Variants in SLN observed in about 807,000 individuals in gnomAD.
The protein encoded by SLN is sarcolipin.
For synonymous variants in SLN, 19 were observed against 14.4 expected (o/e 1.32, Z -0.72); for missense variants, 34 against 37.4 (o/e 0.91, Z 0.24).
chr11:107,709,765 T>C (rs529258754), intron 1 of SLN, among the ~76,000 whole-genome samples: 9 of 152,288 alleles, frequency 5.9e-5, no homozygotes, highest in African/African-American at 2.2e-4. Flanking sequence ...CATCTCCCTT[T>C]TAATTATTAT....
chr11:107,707,781 A>T lies in SLN; in HGVS notation c.*54T>A. On this transcript the variant is annotated 3_prime_UTR_variant, in exon 2 of 2. Transcript: ENST00000305991. The stretch of plus-strand genomic sequence containing the variant: ...TGACAGCAGTGGGGTCTCAGGGCAT[A>T]GAGCAGGCAGCTCCGGAGCATCTCA... The T allele has an allele frequency of 1.5e-6, 2 of 1,349,114 alleles. No homozygotes were observed. Among genetic ancestry groups the T allele is most frequent in the Non-Finnish European group, 2.1e-6 (2 of 940,542 alleles). 83.6% of individuals were successfully genotyped at this position (1,349,114 alleles called of 1,614,324 possible).
chr11:107,710,593 T>C (rs1425038143), intron 1 of SLN, among the ~76,000 whole-genome samples: 4 of 152,266 alleles, frequency 2.6e-5, no homozygotes, highest in East Asian at 1.9e-4. Context: ...CTAGGAGTTA[T>C]GACACAAGTG....
At chr11:107,708,366 AG>A (rs2135742257) in intron 1 of SLN, among the ~76,000 whole-genome samples, 1 of 152,240 alleles carries the variant, frequency 6.6e-6, no homozygotes, top group East Asian at 1.9e-4. Context: ...GAAAGGACTC[AG>A]AAGAAACCAA....
At position 107,707,701 on chromosome 11, in the gene SLN, T is replaced by C; in HGVS notation, c.*134A>G. ...AATCCTAGCACTACAGCATAGCAGATATTGTGAGTGCAGGTCACAGGTGCC... is the reference window on the plus strand; with the variant it reads ...AATCCTAGCACTACAGCATAGCAGACATTGTGAGTGCAGGTCACAGGTGCC... On this transcript the variant is annotated 3_prime_UTR_variant, in exon 2 of 2. Transcript: ENST00000305991. The C allele has an allele frequency of 1.5e-6, 1 of 666,418 alleles. No homozygotes were observed. The highest frequency in any genetic ancestry group is 2.7e-6 in the Non-Finnish European group (1 of 368,418). 41.3% of individuals were successfully genotyped at this position (666,418 alleles called of 1,614,324 possible). A position where few individuals can be genotyped will look rare whatever the true frequency, so the allele number is the denominator to read the frequency against.
rs1867173645 is a variant in SLN at position 107,707,972 on chromosome 11, G to A, written c.-42C>T. 1 of 1,405,940 alleles carries A rather than the reference G, an allele frequency of 7.1e-7. No individual in the cohort carries two copies. Among genetic ancestry groups the A allele is most frequent in the Non-Finnish European group, 1.0e-6 (1 of 989,824 alleles). 87.1% of individuals were successfully genotyped at this position (1,405,940 alleles called of 1,614,324 possible). On this transcript the variant is annotated 5_prime_UTR_variant, in exon 2 of 2. Transcript: ENST00000305991. ...TGAGAACTGCAGGCAGATTTCTGAG[G>A]GCACACCAAGGACCTCTGGCTTCTC...
At chr11:107,708,385 A>G (rs1260215275) in intron 1 of SLN, among the ~76,000 whole-genome samples, 1 of 152,114 alleles carries the variant, frequency 6.6e-6, no homozygotes, top group Non-Finnish European at 1.5e-5. Flanking sequence ...CAACTGTGCC[A>G]ACACCTTGAT....
intron 1 of SLN, among the ~76,000 whole-genome samples, chr11:107,709,905 C>T (rs1867195285): frequency 6.6e-6 from 1 of 152,054 alleles, no homozygotes; most frequent in Admixed American, 6.6e-5. Context: ...ATCACTTGAG[C>T]CTAGGAGTTC....
At chr11:107,709,391 G>T (rs979270928) in intron 1 of SLN, among the ~76,000 whole-genome samples, 3 of 152,192 alleles carry the variant, frequency 2.0e-5, no homozygotes, top group African/African-American at 7.2e-5. Flanking sequence ...GAGGCTGAAA[G>T]GGTTGTTAGC....
intron 1 of SLN, among the ~76,000 whole-genome samples, chr11:107,708,863 A>C (rs1334365665): frequency 1.3e-5 from 2 of 152,196 alleles, no homozygotes; most frequent in Non-Finnish European, 2.9e-5. Context: ...ATAATCTTTC[A>C]GGCCTCAGGC....
At chr11:107,708,798 A>C (rs1283955182) in intron 1 of SLN, among the ~76,000 whole-genome samples, 2 of 152,320 alleles carry the variant, frequency 1.3e-5, no homozygotes, top group Non-Finnish European at 2.9e-5. Context: ...AAAACAAAAA[A>C]ATTTTATGGT....
chr11:107,708,230 G>A (rs186526756), intron 1 of SLN, among the ~76,000 whole-genome samples: 65 of 152,122 alleles, frequency 4.3e-4, no homozygotes, highest in Non-Finnish European at 7.8e-4. Flanking sequence ...GTTAAAATTA[G>A]GTAATTAAGG....
At chr11:107,709,096 A>G (rs1220189964) in intron 1 of SLN, among the ~76,000 whole-genome samples, 1 of 152,216 alleles carries the variant, frequency 6.6e-6, no homozygotes, top group Non-Finnish European at 1.5e-5. Flanking sequence ...ATGTGCCTAG[A>G]TTGTAAACAT....
chr11:107,711,488 A>G (rs1191809732), intron 1 of SLN, among the ~76,000 whole-genome samples: 2 of 152,238 alleles, frequency 1.3e-5, no homozygotes, highest in Non-Finnish European at 2.9e-5. Context: ...CACTTTAGGA[A>G]GAATGAACCA....
Position 107,711,748 on chromosome 11 carries a change from A to C in SLN, c.-76+215T>G, listed in dbSNP as rs525599. On this transcript the variant is annotated intron_variant, in intron 1 of 1. Coordinates refer to ENST00000305991, the MANE Select transcript of SLN (RefSeq NM_003063.3). ...CTTCCATAATACAAGAAAGAAAAAA[A>C]ATTTTTTTTTACTAGGAAGGGAGAA... 4.2e-3 allele frequency among the ~76,000 whole-genome samples: 645 copies of C among 152,298 alleles called. 5 individuals are homozygous for C. Among genetic ancestry groups the C allele is most frequent in the African/African-American group, 0.015 (612 of 41,566 alleles).
chr11:107,709,219 T>C (rs187793724), intron 1 of SLN, among the ~76,000 whole-genome samples: 1 of 152,360 alleles, frequency 6.6e-6, no homozygotes, highest in Admixed American at 6.5e-5. Context: ...AGTGAGATGG[T>C]GTAAATTGCA....
intron 1 of SLN, among the ~76,000 whole-genome samples, chr11:107,708,785 AC>A (rs1416716596): frequency 6.6e-6 from 1 of 152,182 alleles, no homozygotes; most frequent in Non-Finnish European, 1.5e-5. Context: ...AAGCAGGGGT[AC>A]CAAAACAAAA....
At chr11:107,708,731 C>T (rs959901411) in intron 1 of SLN, among the ~76,000 whole-genome samples, 3 of 152,012 alleles carry the variant, frequency 2.0e-5, no homozygotes, top group Non-Finnish European at 4.4e-5. Context: ...TGTGTGTTTG[C>T]GTGTGTGCGT....
rs1038184366 is a variant in SLN at position 107,707,598 on chromosome 11, A to G, written c.*237T>C. ...CTTGTCTAACACATTTTCAGTTAAG[A>G]GTTGGGGAATAAATCTACCGTTCCC... is the stretch of plus-strand genomic sequence containing the variant. On this transcript the variant is annotated 3_prime_UTR_variant, in exon 2 of 2. Transcript: ENST00000305991. 1.5e-5 allele frequency: 7 copies of G among 471,678 alleles called. No homozygotes were observed. The highest frequency in any genetic ancestry group is 2.3e-5 in the Non-Finnish European group (6 of 264,684). 29.2% of individuals were successfully genotyped at this position (471,678 alleles called of 1,614,324 possible). A position where few individuals can be genotyped will look rare whatever the true frequency, so the allele number is the denominator to read the frequency against.
chr11:107,710,781 G>C (rs539117282), intron 1 of SLN, among the ~76,000 whole-genome samples: 1 of 152,254 alleles, frequency 6.6e-6, no homozygotes, highest in South Asian at 2.1e-4. Context: ...CATAAATAAA[G>C]AGTTCACAGC....
Sources: allele counts gnomAD v4.1 joint callset (sites outside exome capture counted in the v4.1 genomes callset), GRCh38; gene constraint gnomAD v4.1.1; transcripts MANE v1.5; gene names NCBI Gene and HGNC (gene_info 2026-07-23, HGNC 2026-07-21).